The following MARCHF1 variants were observed in gnomAD, a reference collection of about 807,000 sequenced individuals.
MARCHF1 encodes E3 ubiquitin-protein ligase MARCHF1.
MARCHF1 carries 40 observed loss-of-function variants against 54.2 expected under a neutral mutation model. That is an observed-to-expected ratio of 0.74 (90% CI 0.57 to 0.96). The LOEUF (loss-of-function observed/expected upper bound fraction) is 0.96. Among genes scored for constraint, MARCHF1 ranks in the 40% least tolerant of loss-of-function variants. The pLI is 0.00. For synonymous variants in MARCHF1, 236 were observed against 236.3 expected, an observed-to-expected ratio of 1.00 and a Z score of 0.01; for missense variants, 586 against 656.5, an observed-to-expected ratio of 0.89 and a Z score of 1.17.
At chr4:164,249,942 T>C (rs1365279090) in intron 1 of MARCHF1, among the ~76,000 whole-genome samples, 1 of 152,056 alleles carries the variant, frequency 6.6e-6, no homozygotes, top group Non-Finnish European at 1.5e-5. Context: ...GAGCAAACAA[T>C]TACTGAGCAA....
In MARCHF1 at chr4:163,642,510, T is replaced by G. The variant is rs186348643; in HGVS notation, c.163-29117A>C. Among the ~76,000 whole-genome samples, 1,484 of 152,326 alleles carry G rather than the reference T, an allele frequency of 9.7e-3. 5 individuals carry two copies. Among genetic ancestry groups the G allele is most frequent in the Admixed American group, 0.015 (226 of 15,302 alleles). On this transcript the variant is annotated intron_variant, in intron 5 of 9. Transcript: ENST00000514618. ...GAATCTCATTGAATTTATAAATCAT[T>G]GACTTGCATTCTAGTTGGCTTGATT...
intron 2 of MARCHF1, among the ~76,000 whole-genome samples, chr4:164,089,070 G>T (rs529882647): frequency 6.6e-6 from 1 of 152,146 alleles, no homozygotes; most frequent in Non-Finnish European, 1.5e-5. Context: ...ATTTCTTACA[G>T]TCACTTAAAT....
At chr4:163,924,809 T>G (rs1268716401) in intron 3 of MARCHF1, among the ~76,000 whole-genome samples, 1 of 151,854 alleles carries the variant, frequency 6.6e-6, no homozygotes, top group African/African-American at 2.4e-5. Flanking sequence ...CTACTGTCTC[T>G]CTTTCCTATT....
At chr4:164,071,947 A>G (rs1754875748) in intron 2 of MARCHF1, among the ~76,000 whole-genome samples, 1 of 151,900 alleles carries the variant, frequency 6.6e-6, no homozygotes, top group African/African-American at 2.4e-5. Context: ...TTTTTAGTGC[A>G]GCAAAAAAGT....
At chr4:164,224,811 A>G (rs897803527) in intron 1 of MARCHF1, among the ~76,000 whole-genome samples, 1 of 152,112 alleles carries the variant, frequency 6.6e-6, no homozygotes, top group Non-Finnish European at 1.5e-5. Context: ...AGTTATATGC[A>G]TACTATTTTC....
intron 5 of MARCHF1, among the ~76,000 whole-genome samples, chr4:163,689,772 A>G (rs1001121257): frequency 3.9e-5 from 6 of 152,310 alleles, no homozygotes; most frequent in African/African-American, 1.2e-4. Context: ...AACTATTCAC[A>G]TCATCTGGCA....
intron 4 of MARCHF1, among the ~76,000 whole-genome samples, chr4:163,817,382 TAC>T (rs1363135724): frequency 6.6e-6 from 1 of 151,872 alleles, no homozygotes; most frequent in African/African-American, 2.4e-5. Context: ...CATACATATA[TAC>T]ACATGCATAT....
At chr4:164,381,035 C>T (rs1335978239) in intron 1 of MARCHF1, among the ~76,000 whole-genome samples, 5 of 152,152 alleles carry the variant, frequency 3.3e-5, no homozygotes, top group Admixed American at 6.5e-5. Flanking sequence ...AGCAAGAGGT[C>T]GTCAAACAGC....
intron 4 of MARCHF1, among the ~76,000 whole-genome samples, chr4:163,814,533 G>T (rs959552269): frequency 5.9e-5 from 9 of 152,116 alleles, no homozygotes; most frequent in African/African-American, 2.2e-4. Flanking sequence ...GCACTGAGCC[G>T]AGATCAAGCC....
chr4:164,079,240 C>T (rs1267501168), intron 2 of MARCHF1, among the ~76,000 whole-genome samples: 1 of 151,880 alleles, frequency 6.6e-6, no homozygotes, highest in Non-Finnish European at 1.5e-5. Context: ...CTTGTGTATT[C>T]TTTGTCAAGA....
At chr4:163,826,727 A>C (rs1908292) in intron 4 of MARCHF1, among the ~76,000 whole-genome samples, 1 of 151,896 alleles carries the variant, frequency 6.6e-6, no homozygotes, top group Non-Finnish European at 1.5e-5. Context: ...GAAGTACAGA[A>C]TAATAAGAGA....
chr4:164,276,897 G>A (rs1225168464), intron 1 of MARCHF1, among the ~76,000 whole-genome samples: 1 of 136,030 alleles, frequency 7.4e-6, no homozygotes, highest in Non-Finnish European at 1.6e-5. Flanking sequence ...ATATGTAATG[G>A]TAATTACACA....
intron 2 of MARCHF1, among the ~76,000 whole-genome samples, chr4:163,989,416 G>A (rs1293422172): frequency 1.3e-5 from 2 of 152,138 alleles, no homozygotes; most frequent in African/African-American, 4.8e-5. Context: ...TCAGCAACAG[G>A]AGTCAGAAGG....
At chr4:164,091,186 T>C (rs573988965) in intron 2 of MARCHF1, among the ~76,000 whole-genome samples, 188 of 152,114 alleles carry the variant, frequency 1.2e-3, no homozygotes, top group African/African-American at 4.3e-3. Context: ...CATTGACAGA[T>C]CCTGTGGATT....
At chr4:163,778,511 G>A (rs1041688349) in intron 4 of MARCHF1, among the ~76,000 whole-genome samples, 2 of 151,988 alleles carry the variant, frequency 1.3e-5, no homozygotes, top group Non-Finnish European at 2.9e-5. Flanking sequence ...CATTTGCTCT[G>A]GTAAGTGTCT....
chr4:163,634,029 T>G (rs1742212293), intron 5 of MARCHF1, among the ~76,000 whole-genome samples: 1 of 152,142 alleles, frequency 6.6e-6, no homozygotes, highest in Admixed American at 6.5e-5. Flanking sequence ...TAAAATACTT[T>G]ACAGACAAGC....
At chr4:164,316,488 TA>T (rs1735000651) in intron 1 of MARCHF1, among the ~76,000 whole-genome samples, 1 of 151,954 alleles carries the variant, frequency 6.6e-6, no homozygotes, top group Non-Finnish European at 1.5e-5. Flanking sequence ...GTGCTTCCTA[TA>T]AAAAGGATAA....
At chr4:164,184,001 C>T (rs148711179) in intron 1 of MARCHF1, among the ~76,000 whole-genome samples, 3 of 152,164 alleles carry the variant, frequency 2.0e-5, no homozygotes, top group African/African-American at 7.2e-5. Flanking sequence ...CGCTTTAGAA[C>T]ATTCCAGCCT....
At chr4:163,550,669 T>C (rs1739081798) in intron 8 of MARCHF1, among the ~76,000 whole-genome samples, 1 of 152,306 alleles carries the variant, frequency 6.6e-6, no homozygotes, top group Admixed American at 6.5e-5. Flanking sequence ...AAATAATACC[T>C]GAAACAGCAA....
Sources: gnomAD v4.1 joint callset for allele counts (sites outside exome capture counted in the v4.1 genomes callset) on GRCh38, gnomAD v4.1.1 for gene constraint, MANE v1.5 for transcripts, NCBI Gene and HGNC (gene_info 2026-07-23, HGNC 2026-07-21) for gene names.